Variants in PKD1L3 observed in about 807,000 individuals in gnomAD.
The protein encoded by PKD1L3 is polycystin-1-like protein 3.
Under a neutral mutation model 184.1 loss-of-function variants are expected in PKD1L3, and 239 were observed. The observed-to-expected ratio is 1.30, with a 90% confidence interval of 1.17 to 1.45. PKD1L3 has a LOEUF of 1.45. PKD1L3 is among the 40% of genes most tolerant of loss of function. The pLI, the probability that PKD1L3 is intolerant of heterozygous loss-of-function variation, is 0.00. For missense variants in PKD1L3, 2,660 were observed against 2,067.2 expected, an observed-to-expected ratio of 1.29 and a Z score of -5.56; for synonymous variants, 996 against 778.8, an observed-to-expected ratio of 1.28 and a Z score of -4.64.
intron 22 of PKD1L3, among the ~76,000 whole-genome samples, chr16:71,944,890 G>T (rs1272960445): frequency 6.6e-6 from 1 of 150,910 alleles, no homozygotes; most frequent in African/African-American, 2.4e-5. Context: ...GTAGAGACAG[G>T]GTTTTGCCAT....
chr16:71,966,029 TGGAAGCAGCAAGGAA>T (rs2039490354), intron 15 of PKD1L3, among the ~76,000 whole-genome samples: 2 of 152,276 alleles, frequency 1.3e-5, no homozygotes, highest in Non-Finnish European at 1.5e-5. Flanking sequence ...TGGAACAGAA[TGGAAGCAGCAAGGAA>T]GTTATTAGGC....
chr16:71,972,226 C>CAAAAAAACAA (rs1480658352), intron 12 of PKD1L3, among the ~76,000 whole-genome samples: 1 of 147,562 alleles, frequency 6.8e-6, no homozygotes, highest in South Asian at 2.1e-4. Flanking sequence ...AAAAAACACA[C>CAAAAAAACAA]AAAAAAACAA....
chr16:71,952,385 A>AT (rs1223786646), intron 18 of PKD1L3, among the ~76,000 whole-genome samples: 5 of 150,014 alleles, frequency 3.3e-5, no homozygotes, highest in Non-Finnish European at 7.4e-5. Flanking sequence ...GCTAATTATT[A>AT]TTTTTTTGTC....
chr16:71,955,742 T>C (rs1209889702), intron 16 of PKD1L3, among the ~76,000 whole-genome samples: 1 of 152,144 alleles, frequency 6.6e-6, no homozygotes, highest in Non-Finnish European at 1.5e-5. Context: ...AACTGAATCA[T>C]GGGGTCAGTT....
At chr16:71,970,581 G>C (rs1268196412) in intron 12 of PKD1L3, among the ~76,000 whole-genome samples, 2 of 152,190 alleles carry the variant, frequency 1.3e-5, no homozygotes, top group African/African-American at 2.4e-5. Flanking sequence ...GCTGAGGCAG[G>C]TGGATCACCT....
rs752124171 is a variant in PKD1L3 at position 71,942,773 on chromosome 16, G to A, written c.4111C>T (p.Arg1371Cys). The A allele has an allele frequency of 2.0e-5, 31 of 1,551,460 alleles. 1 individual carries two copies. The highest frequency in any genetic ancestry group is 8.2e-5 in the African/African-American group (6 of 73,004). Reference sequence around the variant, plus strand: ...TCCACTTTCTCATAGGTCTTGGTACGGGGTATTTGGAAAATTAATTGTACC... The same window carrying A: ...TCCACTTTCTCATAGGTCTTGGTACAGGGTATTTGGAAAATTAATTGTACC... Reference protein sequence around the residue: ...CGVQLIFQIPRTKTYEKVDEG... With the variant: ...CGVQLIFQIPCTKTYEKVDEG... Residue 1371 changes from arginine (R) to cysteine (C), a missense_variant, in exon 24 of 30, where the codon CGT becomes TGT. Physicochemically the swap from Arg to Cys is radical, Grantham distance 180. Transcript: ENST00000620267.
intron 15 of PKD1L3, among the ~76,000 whole-genome samples, chr16:71,964,499 C>T (rs28483459): frequency 0.38 from 56,632 of 150,624 alleles, 11,039 homozygotes; most frequent in African/African-American, 0.47. Context: ...CCACCACGCC[C>T]GGCTAGTTTT....
In PKD1L3 at chr16:71,942,930, A is replaced by G; in HGVS notation, c.3954T>C (p.Phe1318=). 1 of 1,551,620 alleles carries G rather than the reference A, an allele frequency of 6.4e-7. No individual in the cohort carries two copies. The highest frequency in any genetic ancestry group is 1.2e-5 in the South Asian group (1 of 84,060). ...GTTTGATTTCCGAGAACTGGTGCGA[A>G]AATGTCTTCCAGATAGCTTGGTGGA... ...FYLHQAIWKT[F]SHQFSEIKLL... The change falls in exon 24 of 30, where the codon TTT becomes TTC. Residue 1318 remains phenylalanine, a synonymous_variant. Transcript: ENST00000620267.
In PKD1L3 at chr16:71,968,280, TC is replaced by T. The variant is rs547937431; in HGVS notation, c.2185-274del. 1.8e-3 allele frequency among the ~76,000 whole-genome samples: 281 copies of T among 152,260 alleles called. 2 individuals are homozygous for T. The highest frequency in any genetic ancestry group is 4.4e-3 in the South Asian group (21 of 4,824). On this transcript the variant is annotated intron_variant, in intron 13 of 29. Coordinates refer to ENST00000620267, the MANE Select transcript of PKD1L3 (RefSeq NM_181536.2). ...GGGCCTCTAAATCCTTCCACCTCCTTCCCACTTAGGTACAGTCACCAGATAA... is the reference window on the plus strand; with the variant it reads ...GGGCCTCTAAATCCTTCCACCTCCTTCCACTTAGGTACAGTCACCAGATAA...
intron 28 of PKD1L3, 25 bp from the exon 29 acceptor site, chr16:71,930,208 C>G: frequency 2.0e-6 from 3 of 1,522,456 alleles, no homozygotes; most frequent in Non-Finnish European, 2.6e-6. Flanking sequence ...AGAACACTTG[C>G]AGTGACTGAC....
chr16:71,940,192 C>T (rs2038313425), intron 24 of PKD1L3, among the ~76,000 whole-genome samples: 1 of 152,156 alleles, frequency 6.6e-6, no homozygotes, highest in Non-Finnish European at 1.5e-5. Context: ...TGCTACCTAT[C>T]TTGCCTTCTA....
At chr16:71,978,989 A>G (rs1362729478) in intron 9 of PKD1L3, among the ~76,000 whole-genome samples, 2 of 152,198 alleles carry the variant, frequency 1.3e-5, no homozygotes, top group Non-Finnish European at 2.9e-5. Flanking sequence ...CTTTATATCT[A>G]GAGGATTCTA....
intron 13 of PKD1L3, among the ~76,000 whole-genome samples, chr16:71,968,403 T>C (rs2039581695): frequency 6.6e-6 from 1 of 152,164 alleles, no homozygotes; most frequent in African/African-American, 2.4e-5. Flanking sequence ...AATGCAAATT[T>C]AACTAGGTAG....
intron 11 of PKD1L3, among the ~76,000 whole-genome samples, chr16:71,976,492 G>C (rs2039929942): frequency 1.3e-5 from 2 of 151,536 alleles, no homozygotes; most frequent in Non-Finnish European, 2.9e-5. Flanking sequence ...CCTGACCTCA[G>C]GTGATCCACC....
In PKD1L3 at chr16:71,942,961, A is replaced by T; in HGVS notation, c.3923T>A (p.Phe1308Tyr). The part of the protein sequence containing the change: ...AIYSAKNSNR[F>Y]YLHQAIWKTF... ...CTTCCAGATAGCTTGGTGGAGGTAA[A>T]ATCTATTGGAGTTCTTTGCAGAGTA... is the stretch of plus-strand genomic sequence containing the variant. Residue 1308 changes from phenylalanine (F) to tyrosine (Y), a missense_variant, in exon 24 of 30, where the codon TTT becomes TAT. Transcript: ENST00000620267. 6.4e-7 allele frequency: 1 copy of T among 1,551,560 alleles called. No homozygotes were observed. The highest frequency in any genetic ancestry group is 8.7e-7 in the Non-Finnish European group (1 of 1,146,940).
At chr16:71,954,658 A>G (rs1386889269) in intron 16 of PKD1L3, among the ~76,000 whole-genome samples, 1 of 152,216 alleles carries the variant, frequency 6.6e-6, no homozygotes, top group Non-Finnish European at 1.5e-5. Flanking sequence ...AGTTTGGTAA[A>G]TTCATACTCT....
chr16:71,978,693 C>G (rs905745863), intron 9 of PKD1L3, among the ~76,000 whole-genome samples: 1 of 151,708 alleles, frequency 6.6e-6, no homozygotes, highest in Non-Finnish European at 1.5e-5. Flanking sequence ...GTGCACACCA[C>G]CATGCCTGGC....
At position 71,933,966 on chromosome 16, in the gene PKD1L3, C is replaced by T. The variant is rs748883315; in HGVS notation, c.4773G>A (p.Val1591=). 8 of 1,551,510 alleles carry T rather than the reference C, an allele frequency of 5.2e-6. No individual in the cohort carries two copies. The highest frequency in any genetic ancestry group is 6.1e-6 in the Non-Finnish European group (7 of 1,146,966). The part of the protein sequence containing the change: ...SRTLSRAWDE[V]VGFLLIILIL... ...TTAGGATGATCAGCAGAAAGCCCAC[C>T]ACCTCGTCCCAGGCTCGGCTCAGTG... Residue 1591 remains valine, a synonymous_variant, in exon 27 of 30, where the codon GTG becomes GTA. Coordinates refer to ENST00000620267, the MANE Select transcript of PKD1L3 (RefSeq NM_181536.2).
rs147674148 is a variant in PKD1L3 at position 71,943,707 on chromosome 16, T to C, written c.3859+323A>G. ...CTAGGGAATCCAATAATGAACTAGA[T>C]GTGTTGAAGCCAGTCAACTGGCACC... On this transcript the variant is annotated intron_variant, in intron 23 of 29. Coordinates refer to ENST00000620267, the MANE Select transcript of PKD1L3 (RefSeq NM_181536.2). 3.4e-3 allele frequency among the ~76,000 whole-genome samples: 521 copies of C among 152,296 alleles called. 3 individuals are homozygous for C. Among genetic ancestry groups the C allele is most frequent in the Middle Eastern group, 0.01 (3 of 294 alleles).
Sources: gnomAD v4.1 joint callset for allele counts (sites outside exome capture counted in the v4.1 genomes callset) on GRCh38, gnomAD v4.1.1 for gene constraint, MANE v1.5 for transcripts, NCBI Gene and HGNC (gene_info 2026-07-23, HGNC 2026-07-21) for gene names.